The following ANKS1B variants were observed in gnomAD, a reference collection of about 807,000 sequenced individuals.
ANKS1B encodes the protein ankyrin repeat and sterile alpha motif domain containing 1B, also known as ankyrin repeat and sterile alpha motif domain-containing protein 1B.
A neutral mutation model predicts 148.3 loss-of-function variants in ANKS1B; 36 were observed. The observed-to-expected ratio is 0.24, with a 90% CI of 0.19 to 0.32. The LOEUF is 0.32. Ranked by LOEUF, ANKS1B falls within the 10% of genes least tolerant of loss-of-function variation. The pLI, the probability that ANKS1B is intolerant of heterozygous loss-of-function variation, is 1.00. For missense variants in ANKS1B, 1,157 were observed against 1,542.6 expected (o/e 0.75, Z 4.19); for synonymous variants, 542 against 560.8 (o/e 0.97, Z 0.47).
At chr12:99,575,483 A>G (rs532368652) in intron 9 of ANKS1B, among the ~76,000 whole-genome samples, 1 of 152,188 alleles carries the variant, frequency 6.6e-6, no homozygotes, top group Non-Finnish European at 1.5e-5. Flanking sequence ...TTATAAAGGA[A>G]AGAGGTTTAA....
At chr12:99,964,513 A>G (rs1029498850) in intron 1 of ANKS1B, among the ~76,000 whole-genome samples, 2 of 152,214 alleles carry the variant, frequency 1.3e-5, no homozygotes, top group East Asian at 3.8e-4. Context: ...GCACAGTGGA[A>G]AGGTAGGAGG....
At chr12:99,598,678 T>G (rs148228590) in intron 9 of ANKS1B, among the ~76,000 whole-genome samples, 1 of 152,240 alleles carries the variant, frequency 6.6e-6, no homozygotes, top group East Asian at 1.9e-4. Flanking sequence ...GAGTGTGCTC[T>G]GAAAATTAAC....
At chr12:99,286,577 G>A (rs1159875225) in intron 12 of ANKS1B, among the ~76,000 whole-genome samples, 2 of 152,160 alleles carry the variant, frequency 1.3e-5, no homozygotes, top group Non-Finnish European at 2.9e-5. Context: ...CTTAGCCACA[G>A]TGGAGTAGAA....
At chr12:99,497,547 G>C (rs1233667038) in intron 10 of ANKS1B, among the ~76,000 whole-genome samples, 1 of 152,116 alleles carries the variant, frequency 6.6e-6, no homozygotes, top group Non-Finnish European at 1.5e-5. Context: ...GCCTTTTCCT[G>C]TTATATCTTC....
In ANKS1B at chr12:99,058,231, C is replaced by CTTTT. The variant is rs1032294121; in HGVS notation, c.2626-4926_2626-4923dup. ...CATGCAGAAACTCTGCATGCCACAT[C>CTTTT]TTTTTTTTTTTTTTTTTTTTTTAAG... is the stretch of plus-strand genomic sequence containing the variant. On this transcript the variant is annotated intron_variant, in intron 16 of 26. Coordinates refer to ENST00000683438, the MANE Select transcript of ANKS1B (RefSeq NM_001352186.2). 1.0e-3 allele frequency among the ~76,000 whole-genome samples: 124 copies of CTTTT among 124,608 alleles called. 1 individual carries two copies. The highest frequency in any genetic ancestry group is 3.2e-3 in the African/African-American group (104 of 32,860). 81.7% of individuals were successfully genotyped at this position (124,608 alleles called of 152,430 possible). A position where few individuals can be genotyped will look rare whatever the true frequency, so the allele number is the denominator to read the frequency against.
At chr12:99,478,642 T>G (rs1002893790) in intron 10 of ANKS1B, among the ~76,000 whole-genome samples, 1 of 152,042 alleles carries the variant, frequency 6.6e-6, no homozygotes, top group Non-Finnish European at 1.5e-5. Context: ...AGATTTGAAA[T>G]GTACAGAACT....
chr12:99,536,916 C>G (rs1596543793), intron 9 of ANKS1B, among the ~76,000 whole-genome samples: 1 of 152,164 alleles, frequency 6.6e-6, no homozygotes, highest in African/African-American at 2.4e-5. Flanking sequence ...CCCACACTAC[C>G]ATTCCCAGCC....
chr12:99,948,018 T>G (rs1471419643), intron 1 of ANKS1B, among the ~76,000 whole-genome samples: 1 of 152,212 alleles, frequency 6.6e-6, no homozygotes, highest in Non-Finnish European at 1.5e-5. Context: ...GTGACTGTAT[T>G]AGACCCAGAT....
chr12:99,278,064 T>A (rs2077907228), intron 12 of ANKS1B, among the ~76,000 whole-genome samples: 1 of 152,240 alleles, frequency 6.6e-6, no homozygotes, highest in Admixed American at 6.5e-5. Context: ...AATCAAGCTG[T>A]CTGCCAAAGA....
chr12:99,355,721 T>C (rs2091911469), intron 12 of ANKS1B, among the ~76,000 whole-genome samples: 1 of 152,178 alleles, frequency 6.6e-6, no homozygotes, highest in Non-Finnish European at 1.5e-5. Context: ...TATTTTTCTT[T>C]AATACATTAC....
chr12:99,050,245 C>A (rs1429394962), intron 17 of ANKS1B, among the ~76,000 whole-genome samples: 1 of 152,176 alleles, frequency 6.6e-6, no homozygotes, highest in Non-Finnish European at 1.5e-5. Context: ...AAGGCATGCA[C>A]ACATTTTGCC....
intron 25 of ANKS1B, among the ~76,000 whole-genome samples, chr12:98,759,822 T>C (rs932864933): frequency 6.6e-6 from 1 of 151,852 alleles, no homozygotes; most frequent in African/African-American, 2.4e-5. Flanking sequence ...TCTACTAAAA[T>C]ACAAAAAATT....
chr12:99,485,188 A>G (rs541805781), intron 10 of ANKS1B, among the ~76,000 whole-genome samples: 9 of 151,942 alleles, frequency 5.9e-5, no homozygotes, highest in Non-Finnish European at 1.0e-4. Context: ...ACCTTTTAGC[A>G]CTTCTTGTAG....
At chr12:99,306,305 G>A (rs1032936439) in intron 12 of ANKS1B, among the ~76,000 whole-genome samples, 5 of 152,004 alleles carry the variant, frequency 3.3e-5, no homozygotes, top group Admixed American at 1.3e-4. Flanking sequence ...GCCATTCCTG[G>A]GTCTCTAGAC....
chr12:99,111,367 T>A (rs1474491789), intron 15 of ANKS1B, among the ~76,000 whole-genome samples: 1 of 152,176 alleles, frequency 6.6e-6, no homozygotes, highest in South Asian at 2.1e-4. Flanking sequence ...TTTTTAAGAG[T>A]ATAATTTCTA....
chr12:99,962,561 AC>A (rs1393460856), intron 1 of ANKS1B, among the ~76,000 whole-genome samples: 1 of 152,168 alleles, frequency 6.6e-6, no homozygotes, highest in Non-Finnish European at 1.5e-5. Flanking sequence ...TTGAGTATAT[AC>A]CCAGTAATGG....
chr12:99,406,941 C>T (rs559867295), intron 11 of ANKS1B, among the ~76,000 whole-genome samples: 1 of 145,748 alleles, frequency 6.9e-6, no homozygotes, highest in Non-Finnish European at 1.5e-5. Context: ...CTGAATTCTA[C>T]CAAACATTTA....
chr12:99,010,760 A>ATTATTT (rs1023531360), intron 17 of ANKS1B, among the ~76,000 whole-genome samples: 14 of 132,690 alleles, frequency 1.1e-4, no homozygotes, highest in Admixed American at 2.4e-4. Flanking sequence ...TATTATTATT[A>ATTATTT]TTTTTTTTTG....
intron 14 of ANKS1B, among the ~76,000 whole-genome samples, chr12:99,169,972 A>G (rs1245707634): frequency 2.6e-5 from 4 of 152,148 alleles, no homozygotes; most frequent in Admixed American, 1.3e-4. Flanking sequence ...ACGTGCCAGC[A>G]AGTTTGTTTT....
Sources: gnomAD v4.1 joint callset for allele counts (sites outside exome capture counted in the v4.1 genomes callset) on GRCh38, gnomAD v4.1.1 for gene constraint, MANE v1.5 for transcripts, NCBI Gene and HGNC (gene_info 2026-07-23, HGNC 2026-07-21) for gene names.